AHCYL2: variants seen among roughly 807,000 people sequenced by gnomAD.
AHCYL2 encodes adenosylhomocysteinase like 2, also known as S-adenosylhomocysteine hydrolase-like protein 2.
AHCYL2 carries 28 observed loss-of-function variants against 81.4 expected under a neutral mutation model. The observed-to-expected ratio is 0.34, with a 90% confidence interval of 0.25 to 0.47. The LOEUF (loss-of-function observed/expected upper bound fraction) is 0.47, where lower values mean the gene tolerates loss of function less well. Among genes scored for constraint, AHCYL2 ranks in the 20% least tolerant of loss-of-function variants. The pLI is 1.00. For missense variants in AHCYL2, 551 were observed against 785.1 expected, an observed-to-expected ratio of 0.70 and a Z score of 3.56; for synonymous variants, 272 against 290.2, an observed-to-expected ratio of 0.94 and a Z score of 0.64.
intron 5 of AHCYL2, among the ~76,000 whole-genome samples, chr7:129,400,026 C>T (rs997123337): frequency 4.1e-4 from 62 of 152,118 alleles, no homozygotes; most frequent in African/African-American, 1.3e-3. Flanking sequence ...GCACCTGGCC[C>T]CCTTTCATTA....
At chr7:129,380,012 G>C (rs956646761) in intron 2 of AHCYL2, among the ~76,000 whole-genome samples, 1 of 152,078 alleles carries the variant, frequency 6.6e-6, no homozygotes, top group Non-Finnish European at 1.5e-5. Context: ...CTACTCAGAA[G>C]GGTGGGAATA....
chr7:129,369,369 A>C (rs1794264788), intron 1 of AHCYL2, among the ~76,000 whole-genome samples: 1 of 152,162 alleles, frequency 6.6e-6, no homozygotes, highest in African/African-American at 2.4e-5. Flanking sequence ...AGTTCTTTTT[A>C]GTGTTTATAG....
chr7:129,388,300 A>ATAG (rs1407792028), intron 2 of AHCYL2: 2 of 152,220 alleles, frequency 1.3e-5, no homozygotes, highest in Non-Finnish European at 2.9e-5. Flanking sequence ...AAGCATGTGA[A>ATAG]TAGTAGTAGC....
At chr7:129,280,685 T>C (rs1796404106) in intron 1 of AHCYL2, among the ~76,000 whole-genome samples, 1 of 151,978 alleles carries the variant, frequency 6.6e-6, no homozygotes, top group Non-Finnish European at 1.5e-5. Flanking sequence ...ATAAGTATGA[T>C]ATTAGCTGTT....
At chr7:129,250,082 G>C (rs1216718505) in intron 1 of AHCYL2, among the ~76,000 whole-genome samples, 2 of 152,156 alleles carry the variant, frequency 1.3e-5, no homozygotes, top group African/African-American at 2.4e-5. Context: ...TGGGAGTATT[G>C]CTTGAGGCCA....
intron 1 of AHCYL2, among the ~76,000 whole-genome samples, chr7:129,266,478 G>A (rs946802248): frequency 6.6e-6 from 1 of 150,640 alleles, no homozygotes; most frequent in African/African-American, 2.4e-5. Flanking sequence ...GCAGTGAGCC[G>A]AGATCTCACA....
chr7:129,246,183 C>T (rs1295667457), intron 1 of AHCYL2, among the ~76,000 whole-genome samples: 1 of 152,034 alleles, frequency 6.6e-6, no homozygotes, highest in Non-Finnish European at 1.5e-5. Context: ...CTCAGCCTCC[C>T]GAGTAGCTGG....
At chr7:129,425,005 C>T in intron 14 of AHCYL2, 58 bp from the exon 15 acceptor site, 1 of 1,612,596 alleles carries the variant, frequency 6.2e-7, no homozygotes, top group South Asian at 1.1e-5. Context: ...CCAGGTTTCA[C>T]TTGCTTGGGT....
rs1450588630 is a variant in AHCYL2 at position 129,409,458 on chromosome 7, C to A, written c.1296-18C>A. 6.2e-7 allele frequency: 1 copy of A among 1,610,802 alleles called. No individual in the cohort carries two copies. Among genetic ancestry groups the A allele is most frequent in the Admixed American group, 1.7e-5 (1 of 59,752 alleles). ...CAGCTGCCTGTTTAGGTTAATGGGTCATGCTTTATTTCAACAGTATGGATG... is the reference window on the plus strand; with the variant it reads ...CAGCTGCCTGTTTAGGTTAATGGGTAATGCTTTATTTCAACAGTATGGATG... On this transcript the variant is annotated intron_variant, in intron 10 of 16. Transcript: ENST00000325006.
chr7:129,378,325 A>T (rs959275443), intron 1 of AHCYL2, among the ~76,000 whole-genome samples: 1 of 152,114 alleles, frequency 6.6e-6, no homozygotes, highest in Admixed American at 6.5e-5. Context: ...AAAAAAAATA[A>T]ATTTACTTAC....
rs373007391 is a variant in AHCYL2, at chr7:129,256,145, C to T, written c.363+30706C>T. Among the ~76,000 whole-genome samples the T allele has an allele frequency of 3.9e-5, 6 of 152,116 alleles. No individual in the cohort carries two copies. The South Asian group carries it at 6.2e-4, about 16-fold the overall frequency. ...TTTTCTGATGACTTGTAATAAATAC[C>T]GTCTACCTGGAAGTCAGTGTGTTAC... On this transcript the variant is annotated intron_variant, in intron 1 of 16. Coordinates refer to ENST00000325006, the MANE Select transcript of AHCYL2 (RefSeq NM_015328.4).
At chr7:129,365,059 C>T (rs1027468116) in intron 1 of AHCYL2, among the ~76,000 whole-genome samples, 1 of 152,212 alleles carries the variant, frequency 6.6e-6, no homozygotes, top group East Asian at 1.9e-4. Context: ...CCTACTATAT[C>T]GCAGGTATTG....
In AHCYL2 at chr7:129,403,401, T is replaced by C. The variant is rs756978852; in HGVS notation, c.941T>C (p.Leu314Pro). The C allele has an allele frequency of 6.2e-7, 1 of 1,610,028 alleles. No individual in the cohort carries two copies. Among genetic ancestry groups the C allele is most frequent in the South Asian group, 1.1e-5 (1 of 90,672 alleles). The change falls in exon 7 of 17, where the codon CTT becomes CCT. Residue 314 changes from leucine (L) to proline (P), a missense_variant. Physicochemically the swap from Leu to Pro is moderately conservative, Grantham distance 98. Transcript: ENST00000325006. ...PNMILDDGGD[L>P]THWIYKKYPN... ...CAGATCTTGGATGATGGAGGGGATC[T>C]TACCCACTGGATTTATAAAAAGTAT...
chr7:129,424,704 T>C, intron 13 of AHCYL2, 170 bp from the exon 14 acceptor site: 1 of 643,730 alleles, frequency 1.6e-6, no homozygotes, highest in Non-Finnish European at 2.7e-6. Flanking sequence ...ATTTTAGTGG[T>C]TTCATTTAAA....
At chr7:129,293,946 A>G (rs989817601) in intron 1 of AHCYL2, among the ~76,000 whole-genome samples, 1 of 152,168 alleles carries the variant, frequency 6.6e-6, no homozygotes, top group Non-Finnish European at 1.5e-5. Flanking sequence ...TTCACAGTCA[A>G]CGTGATTTTT....
intron 1 of AHCYL2, among the ~76,000 whole-genome samples, chr7:129,337,460 C>T (rs554893501): frequency 1.3e-5 from 2 of 152,106 alleles, no homozygotes; most frequent in South Asian, 2.1e-4. Flanking sequence ...AGTACAGTGA[C>T]GTGATCTCAG....
At chr7:129,309,101 G>A (rs373765940) in intron 1 of AHCYL2, among the ~76,000 whole-genome samples, 49 of 152,084 alleles carry the variant, frequency 3.2e-4, no homozygotes, top group Admixed American at 2.0e-3. Flanking sequence ...GCGTGGCGGC[G>A]GGCACCTGTA....
chr7:129,369,829 G>A (rs1165361306), intron 1 of AHCYL2, among the ~76,000 whole-genome samples: 1 of 152,154 alleles, frequency 6.6e-6, no homozygotes, highest in Non-Finnish European at 1.5e-5. Context: ...TGGGATTACA[G>A]GTGTGAGCCA....
rs1178237377 is a variant in AHCYL2, at chr7:129,425,106, A to G, written c.1673A>G (p.Tyr558Cys). The change falls in exon 15 of 17, where the codon TAT (tyrosine) becomes TGT (cysteine). Residue 558 changes from tyrosine (Y) to cysteine (C), a missense_variant. This residue lies in a region of AHCYL2 where 316 missense variants were observed against 543.1 expected (regional missense o/e 0.58). Coordinates refer to ENST00000325006, the MANE Select transcript of AHCYL2 (RefSeq NM_015328.4). Reference protein sequence around the residue: ...IELYNAPEGRYKQDVYLLPKK... With the variant: ...IELYNAPEGRCKQDVYLLPKK... ...CTTTACAATGCTCCTGAGGGTCGCTATAAGCAGGATGTCTACCTGTTGCCC... is the reference window on the plus strand; with the variant it reads ...CTTTACAATGCTCCTGAGGGTCGCTGTAAGCAGGATGTCTACCTGTTGCCC... 1.2e-6 allele frequency: 2 copies of G among 1,613,624 alleles called. No individual in the cohort carries two copies. The highest frequency in any genetic ancestry group is 1.7e-6 in the Non-Finnish European group (2 of 1,179,964).
Sources: gnomAD v4.1 joint callset for allele counts (sites outside exome capture counted in the v4.1 genomes callset) on GRCh38, gnomAD v4.1.1 for gene constraint, gnomAD v4.1.1 regional missense constraint, MANE v1.5 for transcripts, NCBI Gene and HGNC (gene_info 2026-07-23, HGNC 2026-07-21) for gene names.